Variants in ADAMTS6 observed in about 807,000 individuals in gnomAD.
ADAMTS6 encodes ADAM metallopeptidase with thrombospondin type 1 motif 6.
Under a neutral mutation model 144.3 loss-of-function variants are expected in ADAMTS6, and 23 were observed. The ratio of observed to expected loss-of-function variants is 0.16; its 90% CI spans 0.11 to 0.23. The LOEUF (loss-of-function observed/expected upper bound fraction) is 0.23. Ranked by LOEUF, ADAMTS6 falls within the 10% of genes least tolerant of loss-of-function variation. The pLI is 1.00. For synonymous variants in ADAMTS6, 444 were observed against 457.5 expected (o/e 0.97, Z 0.38); for missense variants, 999 against 1,379.6 (o/e 0.72, Z 4.37).
intron 15 of ADAMTS6, among the ~76,000 whole-genome samples, chr5:65,231,793 T>G (rs150250759): frequency 3.0e-4 from 46 of 151,932 alleles, no homozygotes; most frequent in African/African-American, 1.1e-3. Flanking sequence ...AAAGAAGAAA[T>G]AAAAAATTAA....
chr5:65,237,402 A>G (rs557689099), intron 15 of ADAMTS6, among the ~76,000 whole-genome samples: 3 of 143,918 alleles, frequency 2.1e-5, no homozygotes, highest in Admixed American at 6.8e-5. Context: ...AAAAAAAAAA[A>G]AAAGAAAACT....
chr5:65,391,688 T>G (rs149649750), intron 7 of ADAMTS6, among the ~76,000 whole-genome samples: 56 of 152,204 alleles, frequency 3.7e-4, no homozygotes, highest in African/African-American at 1.3e-3. Context: ...ATCTCTTTAG[T>G]CTCTTTTAAC....
At chr5:65,457,751 T>G (rs1407267461) in intron 4 of ADAMTS6, among the ~76,000 whole-genome samples, 1 of 147,342 alleles carries the variant, frequency 6.8e-6, no homozygotes, top group Non-Finnish European at 1.5e-5. Flanking sequence ...CTTTCTTTTT[T>G]TTTTTTTTTT....
intron 7 of ADAMTS6, among the ~76,000 whole-genome samples, chr5:65,403,528 A>T (rs1754124831): frequency 3.3e-5 from 5 of 152,120 alleles, no homozygotes; most frequent in Admixed American, 3.3e-4. Context: ...AAGCAATTCC[A>T]TTCAAATAAT....
chr5:65,370,861 C>T (rs567996920), intron 7 of ADAMTS6, among the ~76,000 whole-genome samples: 194 of 152,328 alleles, frequency 1.3e-3, no homozygotes, highest in Non-Finnish European at 2.3e-3. Flanking sequence ...CCTCTGCAGA[C>T]TTAAATGTCC....
chr5:65,375,666 C>G (rs565685180), intron 7 of ADAMTS6, among the ~76,000 whole-genome samples: 84 of 152,136 alleles, frequency 5.5e-4, no homozygotes, highest in African/African-American at 1.7e-3. Context: ...GTTGGTGGGA[C>G]TGTAAACTAG....
intron 22 of ADAMTS6, among the ~76,000 whole-genome samples, chr5:65,173,300 C>T (rs904367579): frequency 6.6e-6 from 1 of 152,138 alleles, no homozygotes; most frequent in East Asian, 1.9e-4. Context: ...TCCTTAGCCC[C>T]GTCAGCTGTG....
chr5:65,480,508 C>G (rs1191130755), intron 1 of ADAMTS6, among the ~76,000 whole-genome samples: 2 of 152,178 alleles, frequency 1.3e-5, no homozygotes, highest in Non-Finnish European at 2.9e-5. Flanking sequence ...CAAATAAAAA[C>G]AAGAGTAAGA....
At chr5:65,423,962 TTC>T (rs1363546181) in intron 7 of ADAMTS6, among the ~76,000 whole-genome samples, 1 of 152,200 alleles carries the variant, frequency 6.6e-6, no homozygotes, top group Admixed American at 6.5e-5. Flanking sequence ...CTTAATTTTT[TTC>T]TTTCTTAAAT....
chr5:65,208,716 T>C (rs1419944822), intron 20 of ADAMTS6, among the ~76,000 whole-genome samples: 7 of 152,210 alleles, frequency 4.6e-5, no homozygotes, highest in African/African-American at 4.8e-5. Context: ...TGTTTTAAAC[T>C]TTACAATTTT....
chr5:65,373,846 G>A (rs2150124565), intron 7 of ADAMTS6, among the ~76,000 whole-genome samples: 1 of 152,166 alleles, frequency 6.6e-6, no homozygotes, highest in Non-Finnish European at 1.5e-5. Flanking sequence ...GAACATTGAT[G>A]CAAAAATCCT....
chr5:65,428,225 CAAAAAA>C (rs759344039), intron 7 of ADAMTS6, among the ~76,000 whole-genome samples: 4 of 58,400 alleles, frequency 6.8e-5, no homozygotes, highest in Non-Finnish European at 1.1e-4. Context: ...GACTCCATCT[CAAAAAA>C]AAAAAAAAAA....
intron 7 of ADAMTS6, among the ~76,000 whole-genome samples, chr5:65,391,862 A>C (rs1415146968): frequency 6.6e-6 from 1 of 151,864 alleles, no homozygotes; most frequent in Non-Finnish European, 1.5e-5. Flanking sequence ...CAGCCTCCCA[A>C]GTAGCTAGGA....
intron 7 of ADAMTS6, among the ~76,000 whole-genome samples, chr5:65,423,487 T>A (rs2150203134): frequency 1.3e-5 from 2 of 152,302 alleles, no homozygotes; most frequent in Admixed American, 1.3e-4. Context: ...GATGGTAACT[T>A]ACTTAATATT....
intron 15 of ADAMTS6, among the ~76,000 whole-genome samples, chr5:65,230,954 C>G (rs1758192189): frequency 1.4e-5 from 2 of 147,222 alleles, no homozygotes; most frequent in African/African-American, 4.9e-5. Context: ...CAAAGGAAGA[C>G]AGCAAAGAAA....
At chr5:65,414,058 C>A in intron 7 of ADAMTS6, among the ~76,000 whole-genome samples, 1 of 152,026 alleles carries the variant, frequency 6.6e-6, no homozygotes, top group East Asian at 1.9e-4. Context: ...TACAAAGTGC[C>A]CTCCCTATAT....
intron 12 of ADAMTS6, among the ~76,000 whole-genome samples, chr5:65,270,061 T>A (rs987176668): frequency 2.0e-5 from 3 of 152,200 alleles, no homozygotes; most frequent in Non-Finnish European, 2.9e-5. Context: ...CCCAAAGTGC[T>A]GGGATTGTAG....
chr5:65,457,867 C>T (rs1009296718), intron 4 of ADAMTS6, among the ~76,000 whole-genome samples: 1 of 150,294 alleles, frequency 6.7e-6, no homozygotes. Flanking sequence ...GCTGGGACTA[C>T]AGGCGCGTGC....
Position 65,409,583 on chromosome 5 carries a change from G to C in ADAMTS6, c.1073+41892C>G, listed in dbSNP as rs184808031. ...CTACCAGAGGTACAAGGAGGAGTTG[G>C]TACCATTCCTTCTGACAATATTCCA... On this transcript the variant is annotated intron_variant, in intron 7 of 24. Coordinates refer to ENST00000381055, the MANE Select transcript of ADAMTS6 (RefSeq NM_197941.4). Among the ~76,000 whole-genome samples the C allele has an allele frequency of 7.7e-4, 117 of 152,242 alleles. 2 individuals carry two copies. The highest frequency in any genetic ancestry group is 2.7e-3 in the African/African-American group (112 of 41,544).
Sources: allele counts gnomAD v4.1 joint callset (sites outside exome capture counted in the v4.1 genomes callset), GRCh38; gene constraint gnomAD v4.1.1; transcripts MANE v1.5; gene names NCBI Gene and HGNC (gene_info 2026-07-23, HGNC 2026-07-21).